The following PHF21B variants were observed in gnomAD, a reference collection of about 807,000 sequenced individuals.
The protein encoded by PHF21B is PHD finger protein 4.
Under a neutral mutation model 62.2 loss-of-function variants are expected in PHF21B, and 22 were observed. That is an observed-to-expected ratio of 0.35 (90% CI 0.25 to 0.51). PHF21B has a LOEUF of 0.51. PHF21B is among the 20% of genes least tolerant of loss of function. The pLI, the probability that PHF21B is intolerant of heterozygous loss-of-function variation, is 0.97. For missense variants in PHF21B, 701 were observed against 707.9 expected (o/e 0.99, Z 0.11); for synonymous variants, 341 against 314.7 (o/e 1.08, Z -0.88).
intron 2 of PHF21B, chr22:45,001,345 G>A (rs2073214613): frequency 6.6e-6 from 1 of 152,622 alleles, no homozygotes; most frequent in Non-Finnish European, 1.5e-5. Flanking sequence ...GTTGAAGAGA[G>A]TGCCACAGCC....
chr22:44,949,549 AG>A (rs1403511713), intron 2 of PHF21B, among the ~76,000 whole-genome samples: 1 of 152,182 alleles, frequency 6.6e-6, no homozygotes, highest in African/African-American at 2.4e-5. Context: ...TTTGTTGAGC[AG>A]GTTGAATACG....
chr22:44,944,031 G>C (rs2072015028), intron 2 of PHF21B, among the ~76,000 whole-genome samples: 1 of 152,158 alleles, frequency 6.6e-6, no homozygotes, highest in African/African-American at 2.4e-5. Context: ...CCGAAAACCT[G>C]GCTTCAACCC....
intron 2 of PHF21B, among the ~76,000 whole-genome samples, chr22:44,967,838 ACT>A: frequency 6.6e-6 from 1 of 151,382 alleles, no homozygotes. Context: ...AGAGTTTCTG[ACT>A]CTCCTTGTTA....
intron 8 of PHF21B, 141 bp downstream of exon 8, chr22:44,891,165 C>G (rs2070957086): frequency 2.2e-6 from 2 of 895,816 alleles, no homozygotes; most frequent in Admixed American, 4.7e-5. Flanking sequence ...CCTCTCAGCA[C>G]AGCATCCTCA....
At chr22:44,982,166 TCA>T (rs1241757566) in intron 2 of PHF21B, among the ~76,000 whole-genome samples, 1 of 152,060 alleles carries the variant, frequency 6.6e-6, no homozygotes, top group Non-Finnish European at 1.5e-5. Context: ...ATTCTCAGCC[TCA>T]GTGTTTTTTT....
chr22:44,926,878 C>A (rs2071643159), intron 2 of PHF21B, among the ~76,000 whole-genome samples: 1 of 152,110 alleles, frequency 6.6e-6, no homozygotes, highest in Admixed American at 6.5e-5. Context: ...CTGGGCGTTG[C>A]TCAGCAGCAG....
At chr22:44,896,965 A>G (rs989773202) in intron 5 of PHF21B, among the ~76,000 whole-genome samples, 8 of 143,194 alleles carry the variant, frequency 5.6e-5, no homozygotes, top group African/African-American at 1.3e-4. Context: ...TGCAGCTTCA[A>G]TCTCTGGGGT....
At chr22:44,906,496 G>GC (rs1292907765) in intron 5 of PHF21B, among the ~76,000 whole-genome samples, 1 of 152,184 alleles carries the variant, frequency 6.6e-6, no homozygotes, top group African/African-American at 2.4e-5. Context: ...TGCTCCGACT[G>GC]CCCTTTGCAG....
intron 2 of PHF21B, among the ~76,000 whole-genome samples, chr22:44,957,298 A>C (rs1379749295): frequency 1.3e-5 from 2 of 152,336 alleles, no homozygotes; most frequent in East Asian, 3.9e-4. Context: ...TTCTGGAAAA[A>C]GTTGTTTCGG....
intron 2 of PHF21B, among the ~76,000 whole-genome samples, chr22:44,989,924 T>G (rs2073016354): frequency 6.6e-6 from 1 of 152,206 alleles, no homozygotes; most frequent in African/African-American, 2.4e-5. Context: ...GCTACATTTT[T>G]AACGTCCACG....
intron 5 of PHF21B, among the ~76,000 whole-genome samples, chr22:44,896,747 C>T (rs1359812280): frequency 1.3e-5 from 2 of 152,114 alleles, no homozygotes; most frequent in Admixed American, 1.3e-4. Flanking sequence ...TCTAGTGATC[C>T]TAGTTTTGTA....
rs757932371 is a variant in PHF21B, at chr22:45,009,597, G to C, written c.-48C>G. 1.1e-4 allele frequency: 167 copies of C among 1,511,454 alleles called. 1 individual carries two copies. The highest frequency in any genetic ancestry group is 1.4e-4 in the Non-Finnish European group (156 of 1,141,620). 93.6% of individuals were successfully genotyped at this position (1,511,454 alleles called of 1,614,324 possible). ...TGCGCTCACTTTGGCCCGGGCTCCC[G>C]GGAAGTTGCGCGGCTCCGCGGGGGC... is the stretch of plus-strand genomic sequence containing the variant. On this transcript the variant is annotated 5_prime_UTR_variant, in exon 1 of 13. Coordinates refer to ENST00000313237, the MANE Select transcript of PHF21B (RefSeq NM_138415.5). The surrounding 1 kb of genome is among the most constrained non-coding windows in gnomAD (Gnocchi z 5.9).
At chr22:44,985,056 G>GA (rs1212490005) in intron 2 of PHF21B, among the ~76,000 whole-genome samples, 1 of 152,166 alleles carries the variant, frequency 6.6e-6, no homozygotes, top group Non-Finnish European at 1.5e-5. Flanking sequence ...CATCCTCCAG[G>GA]AACACAAGGA....
intron 7 of PHF21B, among the ~76,000 whole-genome samples, chr22:44,893,157 C>T (rs541669405): frequency 6.6e-6 from 1 of 152,300 alleles, no homozygotes; most frequent in East Asian, 1.9e-4. Flanking sequence ...CGGAGATTTG[C>T]CTGATCATTC....
chr22:44,935,280 G>A (rs1172883794), intron 2 of PHF21B, among the ~76,000 whole-genome samples: 4 of 152,160 alleles, frequency 2.6e-5, no homozygotes, highest in Admixed American at 6.6e-5. Flanking sequence ...TCTGTAAACA[G>A]GGAGAACTAA....
chr22:44,961,320 A>G (rs1390043335), intron 2 of PHF21B, among the ~76,000 whole-genome samples: 1 of 152,056 alleles, frequency 6.6e-6, no homozygotes, highest in Non-Finnish European at 1.5e-5. Context: ...TTACATAGGT[A>G]TACTTCGTGA....
At chr22:44,951,133 G>A (rs1003690411) in intron 2 of PHF21B, among the ~76,000 whole-genome samples, 2 of 152,148 alleles carry the variant, frequency 1.3e-5, no homozygotes, top group Non-Finnish European at 2.9e-5. Flanking sequence ...GTTTTGATAT[G>A]AGTCTGCAAG....
At chr22:44,988,479 G>A (rs182726262) in intron 2 of PHF21B, among the ~76,000 whole-genome samples, 398 of 151,950 alleles carry the variant, frequency 2.6e-3, no homozygotes, top group African/African-American at 8.9e-3. Flanking sequence ...GAAAGGGAAA[G>A]GAAAAAGGGA....
chr22:45,007,348 G>A (rs1379737085), intron 2 of PHF21B, among the ~76,000 whole-genome samples: 2 of 151,224 alleles, frequency 1.3e-5, no homozygotes, highest in East Asian at 2.0e-4. Context: ...CCCCAACCTC[G>A]TCCACGTCTC....
Sources: gnomAD v4.1 joint callset for allele counts (sites outside exome capture counted in the v4.1 genomes callset) on GRCh38, gnomAD v4.1.1 for gene constraint, Gnocchi (gnomAD v3.1) non-coding constraint, MANE v1.5 for transcripts, NCBI Gene and HGNC (gene_info 2026-07-23, HGNC 2026-07-21) for gene names.